PDHX: variants seen among roughly 807,000 people sequenced by gnomAD.
PDHX encodes pyruvate dehydrogenase protein X component, mitochondrial.
Under a neutral mutation model 55.3 loss-of-function variants are expected in PDHX, and 33 were observed. The ratio of observed to expected loss-of-function variants is 0.60; its 90% CI spans 0.45 to 0.80. PDHX has a LOEUF of 0.80. Ranked by LOEUF, PDHX falls within the 30% of genes least tolerant of loss-of-function variation. PDHX has a pLI of 0.00. For synonymous variants in PDHX, 226 were observed against 219.4 expected (o/e 1.03, Z -0.27); for missense variants, 622 against 619.9 (o/e 1.00, Z -0.04).
chr11:34,985,611 T>A (rs1259734782), intron 9 of PDHX, among the ~76,000 whole-genome samples: 1 of 152,208 alleles, frequency 6.6e-6, no homozygotes, highest in Non-Finnish European at 1.5e-5. Context: ...CTCAGTAATT[T>A]CCAAGGGTAT....
At chr11:34,988,132 A>AG (rs1389230197) in intron 9 of PDHX, among the ~76,000 whole-genome samples, 1 of 152,218 alleles carries the variant, frequency 6.6e-6, no homozygotes, top group Admixed American at 6.5e-5. Context: ...CCGACCAGAG[A>AG]GAAAAAACTA....
Position 34,931,491 on chromosome 11 carries a change from A to T in PDHX, c.241+7A>T. The T allele has an allele frequency of 6.7e-7, 1 of 1,492,542 alleles. No individual in the cohort carries two copies. Among genetic ancestry groups the T allele is most frequent in the Non-Finnish European group, 9.3e-7 (1 of 1,072,860 alleles). 92.5% of individuals were successfully genotyped at this position (1,492,542 alleles called of 1,614,324 possible). A position where few individuals can be genotyped will look rare whatever the true frequency, so the allele number is the denominator to read the frequency against. On this transcript the variant is annotated splice_region_variant and intron_variant, in intron 2 of 10. Transcript: ENST00000227868. ...AAATGGCTGAAAAAGGAAGGTGAGG[A>T]GGTACCTTCCTAATGTCCTGTGTGC...
chr11:34,968,227 C>CT (rs1435356974), intron 6 of PDHX, among the ~76,000 whole-genome samples: 1 of 147,808 alleles, frequency 6.8e-6, no homozygotes, highest in Admixed American at 6.8e-5. Context: ...GCTATGTGCA[C>CT]TCCAGCCTGG....
At chr11:34,937,442 C>CTTTTTT (rs36061427) in intron 2 of PDHX, among the ~76,000 whole-genome samples, 3 of 134,582 alleles carry the variant, frequency 2.2e-5, no homozygotes, top group Non-Finnish European at 1.6e-5. Flanking sequence ...GAGTTGCTGA[C>CTTTTTT]TTTTTTTTTT....
At chr11:34,958,303 G>A (rs6484749) in intron 4 of PDHX, among the ~76,000 whole-genome samples, 15,289 of 151,822 alleles carry the variant, frequency 0.1, 1,614 homozygotes, top group African/African-American at 0.27. Context: ...TTTAGGGGGG[G>A]GCGTGCGGAG....
At chr11:34,985,709 A>G (rs1363371533) in intron 9 of PDHX, among the ~76,000 whole-genome samples, 2 of 152,224 alleles carry the variant, frequency 1.3e-5, no homozygotes, top group African/African-American at 4.8e-5. Flanking sequence ...CCATTTGCCA[A>G]GGACCTGTTG....
Position 34,919,240 on chromosome 11 carries a change from G to A in PDHX, c.160+2425G>A, listed in dbSNP as rs531977151. On this transcript the variant is annotated intron_variant, in intron 1 of 10. Transcript: ENST00000227868. Reference sequence around the variant, plus strand: ...ATACAGATTTTTGTTTTGCCATGCCGAAAACACGTGGCAATCCTTGAACTA... The same window carrying A: ...ATACAGATTTTTGTTTTGCCATGCCAAAAACACGTGGCAATCCTTGAACTA... 5.3e-5 allele frequency among the ~76,000 whole-genome samples: 8 copies of A among 152,150 alleles called. No homozygotes were observed. The South Asian group carries it at 1.5e-3, about 28-fold the overall frequency.
At chr11:34,936,340 C>T (rs1256911120) in intron 2 of PDHX, among the ~76,000 whole-genome samples, 1 of 152,074 alleles carries the variant, frequency 6.6e-6, no homozygotes, top group East Asian at 1.9e-4. Flanking sequence ...TGAGTTTGTT[C>T]ATGTTTGTGC....
intron 1 of PDHX, among the ~76,000 whole-genome samples, chr11:34,918,001 C>T (rs1279423411): frequency 2.6e-5 from 4 of 152,044 alleles, no homozygotes; most frequent in Admixed American, 2.6e-4. Context: ...AGACTCACTG[C>T]CTTAGAAAAT....
chr11:34,954,962 G>A (rs1043449564), intron 3 of PDHX, among the ~76,000 whole-genome samples: 5 of 152,130 alleles, frequency 3.3e-5, no homozygotes, highest in Non-Finnish European at 7.4e-5. Flanking sequence ...CAACTGGGAG[G>A]GAAGGCTAAT....
upstream of PDHX, chr11:34,916,328 T>G: frequency 6.2e-7 from 1 of 1,606,014 alleles, no homozygotes. Context: ...TCCGCACGGC[T>G]TTGCGCGCGG....
In PDHX at chr11:34,994,910, C is replaced by G. The variant is rs752629957; in HGVS notation, c.1248-4C>G. 28 of 1,613,658 alleles carry G rather than the reference C, an allele frequency of 1.7e-5. No homozygotes were observed. The highest frequency in any genetic ancestry group is 9.3e-5 in the African/African-American group (7 of 74,868). ...TCCTTCAGAGCTTTTTCTTTTCCCC[C>G]TAGTATTTCCAACTTGGGGATGTTT... On this transcript the variant is annotated splice_polypyrimidine_tract_variant and splice_region_variant and intron_variant, in intron 10 of 10. Transcript: ENST00000227868.
intron 3 of PDHX, among the ~76,000 whole-genome samples, chr11:34,954,124 T>TA (rs1250441723): frequency 6.6e-6 from 1 of 152,218 alleles, no homozygotes; most frequent in African/African-American, 2.4e-5. Context: ...ATGAACCAGA[T>TA]AAGTCAGTCA....
chr11:34,974,037 CAT>C (rs1855313184), intron 7 of PDHX, among the ~76,000 whole-genome samples: 1 of 152,204 alleles, frequency 6.6e-6, no homozygotes, highest in African/African-American at 2.4e-5. Context: ...GAATATATAA[CAT>C]GAGTCTTACC....
chr11:34,983,671 A>G (rs1395193156), intron 8 of PDHX, among the ~76,000 whole-genome samples: 1 of 151,954 alleles, frequency 6.6e-6, no homozygotes, highest in East Asian at 1.9e-4. Flanking sequence ...ACTCCCATTC[A>G]CAATTGCTTC....
At chr11:34,990,459 A>G (rs1855733370) in intron 9 of PDHX, among the ~76,000 whole-genome samples, 1 of 152,198 alleles carries the variant, frequency 6.6e-6, no homozygotes, top group Non-Finnish European at 1.5e-5. Context: ...TTTAGGATCT[A>G]CAGAGTTTTT....
intron 1 of PDHX, among the ~76,000 whole-genome samples, chr11:34,931,132 A>G (rs549377747): frequency 1.3e-5 from 2 of 152,258 alleles, no homozygotes; most frequent in East Asian, 3.8e-4. Context: ...TTTGACTTAT[A>G]AGCACCTGGC....
chr11:34,970,688 C>A (rs1855238818), intron 7 of PDHX, among the ~76,000 whole-genome samples: 1 of 152,168 alleles, frequency 6.6e-6, no homozygotes, highest in African/African-American at 2.4e-5. Flanking sequence ...CTTCAAAGTG[C>A]TTCAAGATGT....
intron 8 of PDHX, among the ~76,000 whole-genome samples, chr11:34,983,613 ATTC>A (rs1359966906): frequency 6.6e-6 from 1 of 150,756 alleles, no homozygotes; most frequent in Non-Finnish European, 1.5e-5. Context: ...AATCACAATC[ATTC>A]TTATACACCA....
Sources: allele counts gnomAD v4.1 joint callset (sites outside exome capture counted in the v4.1 genomes callset), GRCh38; gene constraint gnomAD v4.1.1; transcripts MANE v1.5; gene names NCBI Gene and HGNC (gene_info 2026-07-23, HGNC 2026-07-21).